The following ADGRB3 variants were observed in gnomAD, a reference collection of about 807,000 sequenced individuals.
The protein encoded by ADGRB3 is adhesion G protein-coupled receptor B3, also known as brain-specific angiogenesis inhibitor 3.
A neutral mutation model predicts 193.4 loss-of-function variants in ADGRB3; 37 were observed. That is an observed-to-expected ratio of 0.19 (90% CI 0.15 to 0.25). ADGRB3 has a LOEUF of 0.25. Among genes scored for constraint, ADGRB3 ranks in the 10% least tolerant of loss-of-function variants. The pLI, the probability that ADGRB3 is intolerant of heterozygous loss-of-function variation, is 1.00. For synonymous variants in ADGRB3, 690 were observed against 644.2 expected, an observed-to-expected ratio of 1.07 and a Z score of -1.08; for missense variants, 1,637 against 1,852.9, an observed-to-expected ratio of 0.88 and a Z score of 2.14.
chr6:68,653,768 A>T (rs531782277), intron 3 of ADGRB3, among the ~76,000 whole-genome samples: 1 of 152,052 alleles, frequency 6.6e-6, no homozygotes, highest in East Asian at 1.9e-4. Context: ...TTATTCTAGC[A>T]TGGTGGTTTT....
At chr6:69,276,069 T>C (rs1297481419) in intron 20 of ADGRB3, among the ~76,000 whole-genome samples, 2 of 152,214 alleles carry the variant, frequency 1.3e-5, no homozygotes, top group Non-Finnish European at 2.9e-5. Flanking sequence ...AAACTTGGCA[T>C]AAACTTTGGG....
chr6:68,967,516 T>C lies in ADGRB3; in HGVS notation c.1526-7247T>C, dbSNP rs114307381. On this transcript the variant is annotated intron_variant, in intron 8 of 31. Transcript: ENST00000370598. ...TGATACCCTGGAAACATCTTTTGAC[T>C]AATTTTTAAGGTAACTGTAGTAGCT... is the stretch of plus-strand genomic sequence containing the variant. Among the ~76,000 whole-genome samples the C allele has an allele frequency of 6.2e-3, 950 of 152,224 alleles. 10 individuals are homozygous for C. Among genetic ancestry groups the C allele is most frequent in the African/African-American group, 0.021 (875 of 41,540 alleles).
chr6:69,010,014 ATAAAG>A (rs1320822736), intron 11 of ADGRB3, among the ~76,000 whole-genome samples: 2 of 152,316 alleles, frequency 1.3e-5, no homozygotes, highest in Admixed American at 1.3e-4. Context: ...TTTCCATAAA[ATAAAG>A]TGTCCTTTTT....
At chr6:68,914,518 T>C (rs894095068) in intron 3 of ADGRB3, among the ~76,000 whole-genome samples, 19 of 152,138 alleles carry the variant, frequency 1.2e-4, no homozygotes, top group African/African-American at 4.6e-4. Context: ...CCACCAGGCC[T>C]GCCCTAAAGG....
At chr6:68,743,183 G>C (rs1260567920) in intron 3 of ADGRB3, among the ~76,000 whole-genome samples, 1 of 151,890 alleles carries the variant, frequency 6.6e-6, no homozygotes, top group East Asian at 1.9e-4. Flanking sequence ...ACTTGGGTAT[G>C]AGGTCACCTG....
chr6:69,299,586 A>G (rs1767907445), intron 20 of ADGRB3, among the ~76,000 whole-genome samples: 1 of 151,970 alleles, frequency 6.6e-6, no homozygotes, highest in African/African-American at 2.4e-5. Flanking sequence ...GTCTAGTTTC[A>G]TTCTTCTGCA....
intron 17 of ADGRB3, among the ~76,000 whole-genome samples, chr6:69,092,680 G>A (rs76213454): frequency 6.6e-6 from 1 of 152,050 alleles, no homozygotes; most frequent in East Asian, 1.9e-4. Context: ...TAAAGAGACG[G>A]TTACAGTTAA....
At chr6:68,646,797 G>T (rs1396604680) in intron 3 of ADGRB3, among the ~76,000 whole-genome samples, 2 of 152,180 alleles carry the variant, frequency 1.3e-5, no homozygotes, top group Non-Finnish European at 2.9e-5. Context: ...ACTTTTAATT[G>T]TGTAAGAGTG....
At chr6:69,380,954 AT>A (rs1769934970) in intron 30 of ADGRB3, among the ~76,000 whole-genome samples, 1 of 151,880 alleles carries the variant, frequency 6.6e-6, no homozygotes, top group South Asian at 2.1e-4. Flanking sequence ...ATAACTCTAT[AT>A]TATAAGATTC....
intron 3 of ADGRB3, among the ~76,000 whole-genome samples, chr6:68,661,686 G>A (rs993949834): frequency 1.9e-4 from 29 of 150,152 alleles, no homozygotes; most frequent in African/African-American, 2.4e-4. Context: ...CAGGCTAGGC[G>A]CTTTTGATTT....
At chr6:68,942,686 C>T (rs113752238) in intron 5 of ADGRB3, among the ~76,000 whole-genome samples, 1,779 of 152,180 alleles carry the variant, frequency 0.012, 16 homozygotes, top group Non-Finnish European at 0.02. Context: ...TCTCACTTCA[C>T]TGCAGCCCCC....
chr6:69,381,029 T>A (rs190087219), intron 30 of ADGRB3, among the ~76,000 whole-genome samples: 51 of 152,076 alleles, frequency 3.4e-4, no homozygotes, highest in African/African-American at 1.2e-3. Context: ...ACAATAGTTT[T>A]TTTTTAAGTG....
chr6:69,152,420 A>C (rs922357518), intron 17 of ADGRB3, among the ~76,000 whole-genome samples: 5 of 152,200 alleles, frequency 3.3e-5, no homozygotes, highest in Non-Finnish European at 7.3e-5. Flanking sequence ...ATGTTCTCCT[A>C]TTATGTAAAT....
chr6:68,800,644 A>T (rs1301386836), intron 3 of ADGRB3, among the ~76,000 whole-genome samples: 1 of 152,164 alleles, frequency 6.6e-6, no homozygotes, highest in Non-Finnish European at 1.5e-5. Flanking sequence ...CATAAATGGT[A>T]ATAGAAAGAG....
intron 3 of ADGRB3, among the ~76,000 whole-genome samples, chr6:68,863,432 G>A (rs1205901272): frequency 1.3e-5 from 2 of 151,812 alleles, no homozygotes; most frequent in Non-Finnish European, 2.9e-5. Context: ...TGTGTTTGGG[G>A]TAAAACTGAT....
At chr6:68,993,619 C>T (rs1769299502) in intron 10 of ADGRB3, 149 bp from the exon 11 acceptor site, 2 of 785,814 alleles carry the variant, frequency 2.5e-6, no homozygotes, top group Non-Finnish European at 4.1e-6. Context: ...GTATGGGATA[C>T]ACACAATTTA....
intron 3 of ADGRB3, among the ~76,000 whole-genome samples, chr6:68,778,941 C>T (rs1282080775): frequency 6.6e-6 from 1 of 151,786 alleles, no homozygotes; most frequent in Non-Finnish European, 1.5e-5. Context: ...ATGAGCCAAC[C>T]GTGAAAAAAT....
At chr6:69,210,117 C>A (rs1765625769) in intron 17 of ADGRB3, among the ~76,000 whole-genome samples, 1 of 121,618 alleles carries the variant, frequency 8.2e-6, no homozygotes, top group Admixed American at 8.5e-5. Flanking sequence ...GATACACACA[C>A]ACACTCATAT....
chr6:68,917,342 A>G (rs2150240515), intron 3 of ADGRB3, among the ~76,000 whole-genome samples: 1 of 152,322 alleles, frequency 6.6e-6, no homozygotes, highest in East Asian at 1.9e-4. Context: ...CTTTTCATGC[A>G]TCCCAAATCA....
Sources: gnomAD v4.1 joint callset for allele counts (sites outside exome capture counted in the v4.1 genomes callset) on GRCh38, gnomAD v4.1.1 for gene constraint, MANE v1.5 for transcripts, NCBI Gene and HGNC (gene_info 2026-07-23, HGNC 2026-07-21) for gene names.